The following DMD variants were observed in gnomAD, a reference collection of about 807,000 sequenced individuals.
The protein encoded by DMD is mutant dystrophin.
In DMD, 63 loss-of-function variants were observed where a neutral mutation model predicts 330.1. The ratio of observed to expected loss-of-function variants is 0.19; its 90% CI spans 0.16 to 0.24. The LOEUF is 0.24. Among genes scored for constraint, DMD ranks in the 10% least tolerant of loss-of-function variants. The pLI is 1.00. For missense variants in DMD, 3,344 were observed against 2,684.1 expected (o/e 1.25, Z -5.43); for synonymous variants, 1,223 against 959.8 (o/e 1.27, Z -5.07).
intron 1 of DMD, among the ~76,000 whole-genome samples, chrX:33,035,344 C>T (rs781718590): frequency 1.6e-4 from 18 of 111,403 alleles, no homozygotes; most frequent in African/African-American, 2.6e-4. Context: ...CCAGAGAAAG[C>T]CAGGGCTCCT....
At chrX:32,238,444 TGA>T (rs200601285) in intron 43 of DMD, among the ~76,000 whole-genome samples, 8,276 of 98,408 alleles carry the variant, frequency 0.084, 413 homozygotes, top group East Asian at 0.37. Flanking sequence ...AAGCAATGCA[TGA>T]GAGAGAGAGA....
At chrX:32,419,943 C>T (rs73463902) in intron 29 of DMD, among the ~76,000 whole-genome samples, 7,757 of 111,846 alleles carry the variant, frequency 0.069, 619 homozygotes, top group African/African-American at 0.23. Flanking sequence ...TGGATTCTTG[C>T]TGCATCCATT....
At chrX:31,138,204 G>C (rs909012437) in intron 76 of DMD, among the ~76,000 whole-genome samples, 4 of 111,804 alleles carry the variant, frequency 3.6e-5, no homozygotes, top group African/African-American at 1.3e-4. Flanking sequence ...AGAAGGATGA[G>C]AGACATGTTG....
chrX:32,549,892 G>T (rs1433909007), intron 16 of DMD, among the ~76,000 whole-genome samples: 5 of 111,971 alleles, frequency 4.5e-5, no homozygotes, highest in African/African-American at 1.3e-4. Context: ...CAAATTTAAA[G>T]AATACAAAAG....
At chrX:32,461,752 C>T (rs1376421382) in intron 25 of DMD, among the ~76,000 whole-genome samples, 1 of 109,829 alleles carries the variant, frequency 9.1e-6, no homozygotes, top group Non-Finnish European at 1.9e-5. Context: ...AAAACAAATA[C>T]CTTTCACACT....
chrX:31,457,193 G>A (rs2066245765), intron 59 of DMD, among the ~76,000 whole-genome samples: 1 of 110,634 alleles, frequency 9.0e-6, no homozygotes, highest in Non-Finnish European at 1.9e-5. Context: ...TTGTGGAAAG[G>A]AGAAGAGACA....
chrX:32,987,187 G>A (rs958197425), intron 2 of DMD, among the ~76,000 whole-genome samples: 8 of 111,942 alleles, frequency 7.1e-5, no homozygotes, highest in Admixed American at 2.8e-4. Context: ...GAGGCCTTAC[G>A]TGACCTGACA....
chrX:31,428,315 CCT>C (rs1413932052), intron 60 of DMD, among the ~76,000 whole-genome samples: 1 of 110,591 alleles, frequency 9.0e-6, no homozygotes, highest in Non-Finnish European at 1.9e-5. Context: ...CCTCCCACCC[CCT>C]CACTCCATCT....
rs568522390 is a variant in DMD at position 32,607,156 on chromosome X, A to G, written c.1482+7147T>C. Among the ~76,000 whole-genome samples the G allele has an allele frequency of 2.7e-5, 3 of 110,399 alleles. No individual in the cohort carries two copies. In the South Asian group the frequency reaches 1.1e-3, roughly 41 times the overall value. ...AATCTATTTTAAAACTTCTTCTAAG[A>G]CATGCTTATTACTAGAGTTAAATGA... On this transcript the variant is annotated intron_variant, in intron 12 of 78. Transcript: ENST00000357033.
intron 1 of DMD, among the ~76,000 whole-genome samples, chrX:33,196,207 C>T (rs2050925737): frequency 9.0e-6 from 1 of 111,522 alleles, no homozygotes; most frequent in South Asian, 3.8e-4. Flanking sequence ...GAAGTGGGAA[C>T]AAGTCATAGA....
At chrX:32,225,073 T>C (rs147257978) in intron 43 of DMD, among the ~76,000 whole-genome samples, 1,271 of 112,143 alleles carry the variant, frequency 0.011, 18 homozygotes, top group African/African-American at 0.039. Context: ...TTCTAGTTTT[T>C]ATAGGTAAAC....
intron 1 of DMD, among the ~76,000 whole-genome samples, chrX:33,021,892 T>C (rs1028819816): frequency 9.9e-5 from 11 of 111,552 alleles, no homozygotes; most frequent in Non-Finnish European, 1.7e-4. Context: ...AAACAGATAG[T>C]AATAGTTTTC....
In DMD at chrX:32,093,926, A is replaced by T. The variant is rs1034782902; in HGVS notation, c.6438+122990T>A. Among the ~76,000 whole-genome samples, 9 of 111,588 alleles carry T rather than the reference A, an allele frequency of 8.1e-5. No individual in the cohort carries two copies. The Admixed American group carries it at 8.6e-4, about 11-fold the overall frequency. Reference sequence around the variant, plus strand: ...GTCATTTTAACCCTCCTTTAAAAAAAAAAGCTTATCTAAATTTACTGGAGA... The same window carrying T: ...GTCATTTTAACCCTCCTTTAAAAAATAAAGCTTATCTAAATTTACTGGAGA... On this transcript the variant is annotated intron_variant, in intron 44 of 78. Coordinates refer to ENST00000357033, the MANE Select transcript of DMD (RefSeq NM_004006.3).
intron 51 of DMD, among the ~76,000 whole-genome samples, chrX:31,764,946 T>C (rs915972975): frequency 6.3e-5 from 7 of 111,858 alleles, no homozygotes; most frequent in African/African-American, 2.3e-4. Context: ...TTCAAAGTTA[T>C]TTTTATAAAT....
intron 12 of DMD, among the ~76,000 whole-genome samples, chrX:32,600,183 G>C (rs1176767865): frequency 8.9e-6 from 1 of 111,766 alleles, no homozygotes; most frequent in Non-Finnish European, 1.9e-5. Flanking sequence ...TTCAAAAGTG[G>C]CTTAGAAAAA....
At chrX:32,643,151 T>C (rs906740841) in intron 11 of DMD, among the ~76,000 whole-genome samples, 2 of 111,283 alleles carry the variant, frequency 1.8e-5, no homozygotes, top group African/African-American at 6.5e-5. Flanking sequence ...AATATCAATA[T>C]GCATAGATTA....
At chrX:31,989,765 C>T (rs2095536925) in intron 44 of DMD, among the ~76,000 whole-genome samples, 1 of 111,235 alleles carries the variant, frequency 9.0e-6, no homozygotes, top group Admixed American at 9.6e-5. Flanking sequence ...AATGAGAAAG[C>T]TTGAGAGGTA....
At chrX:32,609,830 C>A (rs1274017120) in intron 12 of DMD, among the ~76,000 whole-genome samples, 1 of 111,036 alleles carries the variant, frequency 9.0e-6, no homozygotes, top group Non-Finnish European at 1.9e-5. Flanking sequence ...TTTGTAAAGT[C>A]TTTGTTGATG....
rs187971307 is a variant in DMD at position 32,450,912 on chromosome X, A to T, written c.3604-2274T>A. On this transcript the variant is annotated intron_variant, in intron 26 of 78. Coordinates refer to ENST00000357033, the MANE Select transcript of DMD (RefSeq NM_004006.3). Reference sequence around the variant, plus strand: ...GGGAAAGGTTCGAAGAACAAACAGCAAAATTTATTAATCCAGGTACATATG... The same window carrying T: ...GGGAAAGGTTCGAAGAACAAACAGCTAAATTTATTAATCCAGGTACATATG... 1.5e-3 allele frequency among the ~76,000 whole-genome samples: 162 copies of T among 111,276 alleles called. 1 individual carries two copies. The highest frequency in any genetic ancestry group is 5.1e-3 in the African/African-American group (157 of 30,773).
Sources: allele counts gnomAD v4.1 joint callset (sites outside exome capture counted in the v4.1 genomes callset), GRCh38; gene constraint gnomAD v4.1.1; transcripts MANE v1.5; gene names NCBI Gene and HGNC (gene_info 2026-07-23, HGNC 2026-07-21).